The following OPCML variants were observed in gnomAD, a reference collection of about 807,000 sequenced individuals.
OPCML encodes opioid binding protein/cell adhesion molecule like.
Under a neutral mutation model 37.8 loss-of-function variants are expected in OPCML, and 13 were observed. That is an observed-to-expected ratio of 0.34 (90% CI 0.22 to 0.55). The LOEUF (loss-of-function observed/expected upper bound fraction) is 0.55, where lower values mean the gene tolerates loss of function less well. OPCML is among the 20% of genes least tolerant of loss of function. OPCML has a pLI of 0.91. For missense variants in OPCML, 341 were observed against 435.6 expected, an observed-to-expected ratio of 0.78 and a Z score of 1.93; for synonymous variants, 176 against 168.8, an observed-to-expected ratio of 1.04 and a Z score of -0.33.
chr11:133,022,761 A>G (rs1053839337), intron 1 of OPCML, among the ~76,000 whole-genome samples: 5 of 152,222 alleles, frequency 3.3e-5, no homozygotes, highest in African/African-American at 1.2e-4. Flanking sequence ...ACTAAGCCAA[A>G]GTCACACAAT....
chr11:132,642,000 G>C (rs777033787), intron 3 of OPCML, among the ~76,000 whole-genome samples: 8 of 152,152 alleles, frequency 5.3e-5, no homozygotes, highest in Non-Finnish European at 1.0e-4. Context: ...AGAATAGGCC[G>C]ATATTTAATT....
rs190937911 is a variant in OPCML at position 133,017,686 on chromosome 11, G to C, written c.62-74676C>G. ...TTACAGGCATGAGCCACTGCGCCTG[G>C]CTTCTTCTTTAGATTATAGTTTATA... On this transcript the variant is annotated intron_variant, in intron 1 of 7. Coordinates refer to ENST00000524381, the MANE Select transcript of OPCML (RefSeq NM_001012393.5). 1.1e-3 allele frequency among the ~76,000 whole-genome samples: 173 copies of C among 152,246 alleles called. 1 individual carries two copies. The highest frequency in any genetic ancestry group is 4.1e-3 in the African/African-American group (170 of 41,542).
At chr11:132,572,588 T>C (rs1191872227) in intron 3 of OPCML, among the ~76,000 whole-genome samples, 1 of 152,166 alleles carries the variant, frequency 6.6e-6, no homozygotes, top group African/African-American at 2.4e-5. Flanking sequence ...CTGGGTTCTT[T>C]ATTCTGTTCC....
intron 1 of OPCML, among the ~76,000 whole-genome samples, chr11:133,265,374 G>A (rs370649881): frequency 2.5e-4 from 38 of 152,276 alleles, no homozygotes; most frequent in African/African-American, 9.1e-4. Context: ...TATTGGCGTT[G>A]GCTATCCATT....
intron 1 of OPCML, among the ~76,000 whole-genome samples, chr11:133,104,827 T>G (rs1454014999): frequency 6.7e-6 from 1 of 150,334 alleles, no homozygotes; most frequent in Non-Finnish European, 1.5e-5. Flanking sequence ...ATTAAATGGA[T>G]CATGGTTCAC....
At chr11:132,675,371 C>T (rs894549977) in intron 2 of OPCML, among the ~76,000 whole-genome samples, 2 of 151,982 alleles carry the variant, frequency 1.3e-5, no homozygotes, top group African/African-American at 4.8e-5. Flanking sequence ...ATTACACCCT[C>T]GCCTCCCCTT....
intron 1 of OPCML, among the ~76,000 whole-genome samples, chr11:133,064,393 C>T (rs971713068): frequency 1.3e-5 from 2 of 152,232 alleles, no homozygotes; most frequent in South Asian, 4.1e-4. Flanking sequence ...AGGGAGCATT[C>T]CCGTGGACAA....
chr11:133,472,068 G>T (rs1947128548), intron 1 of OPCML, among the ~76,000 whole-genome samples: 1 of 152,140 alleles, frequency 6.6e-6, no homozygotes, highest in African/African-American at 2.4e-5. Context: ...AAGTGAGAAT[G>T]AAAAGTTAAG....
At chr11:132,694,179 CTTTTTTTTTTTTTT>C (rs1162305568) in intron 2 of OPCML, among the ~76,000 whole-genome samples, 179 of 43,016 alleles carry the variant, frequency 4.2e-3, no homozygotes, top group African/African-American at 0.015. Context: ...AAATCAATGT[CTTTTTTTTTTTTTT>C]TTTTTTTTTT....
At chr11:132,982,773 A>C (rs562293018) in intron 1 of OPCML, among the ~76,000 whole-genome samples, 1 of 152,294 alleles carries the variant, frequency 6.6e-6, no homozygotes, top group East Asian at 1.9e-4. Context: ...TTAAACTCGG[A>C]TATTTTCACT....
At chr11:133,530,210 T>A (rs1948576721) in intron 1 of OPCML, among the ~76,000 whole-genome samples, 1 of 152,176 alleles carries the variant, frequency 6.6e-6, no homozygotes, top group Non-Finnish European at 1.5e-5. Flanking sequence ...GTACTTCTCC[T>A]GCAAGCAAGT....
chr11:132,436,871 T>A, intron 5 of OPCML, 92 bp from the exon 6 acceptor site: 1 of 1,522,436 alleles, frequency 6.6e-7, no homozygotes, highest in Non-Finnish European at 8.8e-7. Context: ...CATCCAGCCA[T>A]TTGCTATGTA....
intron 1 of OPCML, among the ~76,000 whole-genome samples, chr11:133,404,835 T>G (rs1200465591): frequency 6.6e-6 from 1 of 152,244 alleles, no homozygotes; most frequent in Non-Finnish European, 1.5e-5. Context: ...CAGGCCCTGC[T>G]TTGATGAAGT....
rs147961432 is a variant in OPCML at position 133,012,069 on chromosome 11, G to C, written c.62-69059C>G. 8.8e-3 allele frequency among the ~76,000 whole-genome samples: 1,336 copies of C among 152,240 alleles called. 9 individuals carry two copies. The highest frequency in any genetic ancestry group is 0.048 in the Middle Eastern group (14 of 294). ...TGGTCTAAAAAAATGGTTCTCTACT[G>C]GGGACAATTTTACTTAACAGGGGAC... On this transcript the variant is annotated intron_variant, in intron 1 of 7. Transcript: ENST00000524381.
At chr11:132,467,164 C>T (rs956031415) in intron 4 of OPCML, among the ~76,000 whole-genome samples, 5 of 152,208 alleles carry the variant, frequency 3.3e-5, no homozygotes, top group Non-Finnish European at 7.3e-5. Flanking sequence ...TGATAACAGA[C>T]TCGTCCACTG....
chr11:133,113,191 A>G lies in OPCML; in HGVS notation c.62-170181T>C, dbSNP rs547009376. ...CCAGAGCTAAACTGTATGGGTATAAAATTTTTTCCATCTCTTTCCATCTGC... is the reference window on the plus strand; with the variant it reads ...CCAGAGCTAAACTGTATGGGTATAAGATTTTTTCCATCTCTTTCCATCTGC... On this transcript the variant is annotated intron_variant, in intron 1 of 7. Transcript: ENST00000524381. Among the ~76,000 whole-genome samples the G allele has an allele frequency of 7.9e-5, 12 of 152,274 alleles. No homozygotes were observed. In the South Asian group the frequency reaches 2.3e-3, roughly 29 times the overall value.
At chr11:132,443,447 C>G (rs556358023) in intron 4 of OPCML, among the ~76,000 whole-genome samples, 5 of 152,164 alleles carry the variant, frequency 3.3e-5, no homozygotes, top group African/African-American at 1.2e-4. Context: ...TGCTGCCCAG[C>G]AAGAGAGACT....
intron 1 of OPCML, among the ~76,000 whole-genome samples, chr11:133,143,133 G>A (rs575357165): frequency 6.6e-6 from 1 of 152,256 alleles, no homozygotes; most frequent in South Asian, 2.1e-4. Context: ...ATGGATGTGA[G>A]GAGGAAGCAG....
chr11:133,472,295 A>G (rs1203545139), intron 1 of OPCML, among the ~76,000 whole-genome samples: 1 of 152,106 alleles, frequency 6.6e-6, no homozygotes, highest in Non-Finnish European at 1.5e-5. Flanking sequence ...ATTTCTCTGC[A>G]TTATCTTCTC....
Sources: allele counts gnomAD v4.1 joint callset (sites outside exome capture counted in the v4.1 genomes callset), GRCh38; gene constraint gnomAD v4.1.1; transcripts MANE v1.5; gene names NCBI Gene and HGNC (gene_info 2026-07-23, HGNC 2026-07-21).